OR6C2: variants seen among roughly 807,000 people sequenced by gnomAD.
OR6C2 encodes the protein olfactory receptor family 6 subfamily C member 2, also known as olfactory receptor 6C2.
For synonymous variants in OR6C2, 146 were observed against 134.2 expected (o/e 1.09, Z -0.61); for missense variants, 435 against 365.8 (o/e 1.19, Z -1.54).
rs1871520587 is a variant in OR6C2 at position 55,452,997 on chromosome 12, G to A, written c.784G>A (p.Ala262Thr). 1 of 1,613,572 alleles carries A rather than the reference G, an allele frequency of 6.2e-7. No homozygotes were observed. The highest frequency in any genetic ancestry group is 1.7e-5 in the Admixed American group (1 of 59,926). ...CATCTTCATCTATATCAAGCCCTCTGCAAAAGATGAGGTGGCCATAAATAA... is the reference window on the plus strand; with the variant it reads ...CATCTTCATCTATATCAAGCCCTCTACAAAAGATGAGGTGGCCATAAATAA... ...SCIFIYIKPS[A>T]KDEVAINKGV... Residue 262 changes from alanine (A) to threonine (T), a missense_variant, in exon 2 of 2, where the codon GCA becomes ACA. By Grantham distance (58) the Ala-to-Thr change is moderately conservative. Transcript: ENST00000641202.
chr12:55,452,939 CAT>C lies in OR6C2; in HGVS notation c.727_728del (p.Met243AspfsTer22). On this transcript the variant is annotated frameshift_variant, in exon 2 of 2. Coordinates refer to ENST00000641202, the MANE Select transcript of OR6C2 (RefSeq NM_054105.2). LOFTEE classifies it low-confidence loss of function (END_TRUNC). ...AGGCCTTTTCTACCTGTTCATCCCA[CAT>C]GATTGTGGTTTCCATTGCCTATGGA... ...KKAFSTCSSHMIVVSIAYGSC... is the reference protein window; with the variant it reads ...KKAFSTCSSHXIVVSIAYGSC... 1.2e-6 allele frequency: 2 copies of C among 1,613,768 alleles called. No individual in the cohort carries two copies. The highest frequency in any genetic ancestry group is 1.7e-6 in the Non-Finnish European group (2 of 1,179,758).
Position 55,451,642 on chromosome 12 carries a change from T to C in OR6C2, c.-572T>C, listed in dbSNP as rs1319916802. The C allele has an allele frequency of 6.6e-6, 1 of 151,870 alleles. No individual in the cohort carries two copies. Among genetic ancestry groups the C allele is most frequent in the East Asian group, 1.9e-4 (1 of 5,178 alleles). 9.4% of individuals were successfully genotyped at this position (151,870 alleles called of 1,614,324 possible). A position where few individuals can be genotyped will look rare whatever the true frequency, so the allele number is the denominator to read the frequency against. On this transcript the variant is annotated 5_prime_UTR_variant, in exon 2 of 2. Transcript: ENST00000641202. ...CAACCCATCTACAGGTACTAGAGGGTTGAGAATAAGGAATGCCAGCAGAGA... is the reference window on the plus strand; with the variant it reads ...CAACCCATCTACAGGTACTAGAGGGCTGAGAATAAGGAATGCCAGCAGAGA...
intron 1 of OR6C2, among the ~76,000 whole-genome samples, chr12:55,445,677 C>A (rs570624247): frequency 1.3e-5 from 2 of 152,128 alleles, no homozygotes; most frequent in South Asian, 4.2e-4. Flanking sequence ...AAAATAAGAC[C>A]CATAATGCAA....
rs1214485201 is a variant in OR6C2 at position 55,453,059 on chromosome 12, G to A, written c.846G>A (p.Leu282=). ...VSVLTTSVAP[L]LNPFIYTLRN... is the part of the protein sequence containing the mutation. ...TTCTTACTACTTCTGTCGCACCCTT[G>A]TTGAACCCCTTCATTTACACCTTGA... The change falls in exon 2 of 2, where the codon TTG becomes TTA. Residue 282 remains leucine, a synonymous_variant. Transcript: ENST00000641202. 6.2e-7 allele frequency: 1 copy of A among 1,613,418 alleles called. No individual in the cohort carries two copies. The highest frequency in any genetic ancestry group is 1.3e-5 in the African/African-American group (1 of 74,968).
chr12:55,453,027 G>C lies in OR6C2; in HGVS notation c.814G>C (p.Val272Leu), dbSNP rs1362629476. The change falls in exon 2 of 2, where the codon GTT (valine) becomes CTT (leucine). Residue 272 changes from valine to leucine, a missense_variant. Transcript: ENST00000641202. ...AGATGAGGTGGCCATAAATAAAGGA[G>C]TTTCAGTTCTTACTACTTCTGTCGC... Reference protein sequence around the residue: ...AKDEVAINKGVSVLTTSVAPL... With the variant: ...AKDEVAINKGLSVLTTSVAPL... 1 of 1,613,372 alleles carries C rather than the reference G, an allele frequency of 6.2e-7. No homozygotes were observed. The highest frequency in any genetic ancestry group is 2.2e-5 in the East Asian group (1 of 44,870).
chr12:55,446,425 C>T lies in OR6C2; in HGVS notation c.-888+2266C>T, dbSNP rs561321137. Among the ~76,000 whole-genome samples the T allele has an allele frequency of 4.3e-4, 65 of 152,224 alleles. No homozygotes were observed. The Middle Eastern group carries it at 0.01, about 24-fold the overall frequency. ...GATTACAGTCATGAGCCACCGCGCC[C>T]GGCCAGTGGTAATTTTAGTGTAAAT... On this transcript the variant is annotated intron_variant, in intron 1 of 1. Coordinates refer to ENST00000641202, the MANE Select transcript of OR6C2 (RefSeq NM_054105.2).
rs1489058308 is a variant in OR6C2, at chr12:55,452,790, A to G, written c.577A>G (p.Ile193Val). The G allele has an allele frequency of 6.2e-7, 1 of 1,613,792 alleles. No homozygotes were observed. Among genetic ancestry groups the G allele is most frequent in the Non-Finnish European group, 8.5e-7 (1 of 1,179,770 alleles). Residue 193 changes from isoleucine (I) to valine (V), a missense_variant, in exon 2 of 2, where the codon ATA (isoleucine) becomes GTA (valine). Coordinates refer to ENST00000641202, the MANE Select transcript of OR6C2 (RefSeq NM_054105.2). ...GATCTCATGCTCAGATACATGGGTA[A>G]TAGAACAGATGGTTATACTTATGGC... ...LKISCSDTWV[I>V]EQMVILMAVF...
Position 55,452,998 on chromosome 12 carries a change from C to A in OR6C2, c.785C>A (p.Ala262Glu). ...ATCTTCATCTATATCAAGCCCTCTG[C>A]AAAAGATGAGGTGGCCATAAATAAA... ...SCIFIYIKPSAKDEVAINKGV... is the reference protein window; with the variant it reads ...SCIFIYIKPSEKDEVAINKGV... Residue 262 changes from alanine (A) to glutamate (E), a missense_variant, in exon 2 of 2, where the codon GCA becomes GAA. Transcript: ENST00000641202. 1 of 1,613,652 alleles carries A rather than the reference C, an allele frequency of 6.2e-7. No homozygotes were observed. The highest frequency in any genetic ancestry group is 8.5e-7 in the Non-Finnish European group (1 of 1,179,706).
At chr12:55,447,339 ATAAACACT>A (rs1414464884) in intron 1 of OR6C2, among the ~76,000 whole-genome samples, 3 of 148,378 alleles carry the variant, frequency 2.0e-5, no homozygotes, top group African/African-American at 7.4e-5. Context: ...TTTTTTTTAC[ATAAACACT>A]TAACATGATA....
At chr12:55,450,965 C>G (rs1871456981) in intron 1 of OR6C2, among the ~76,000 whole-genome samples, 1 of 151,852 alleles carries the variant, frequency 6.6e-6, no homozygotes, top group African/African-American at 2.4e-5. Flanking sequence ...AGTGAGGACA[C>G]AGAGGGTTAA....
At chr12:55,449,758 G>T (rs1871432327) in intron 1 of OR6C2, among the ~76,000 whole-genome samples, 1 of 151,724 alleles carries the variant, frequency 6.6e-6, no homozygotes, top group Non-Finnish European at 1.5e-5. Context: ...GAAGGAAAAG[G>T]TCAGGAAAGA....
In OR6C2 at chr12:55,453,288, T is replaced by G; in HGVS notation, c.*136T>G. ...CTCAATGACATTTAATATTGCATCC[T>G]AATCCCATCTTTATCAAAATCCTTA... On this transcript the variant is annotated 3_prime_UTR_variant, in exon 2 of 2. Transcript: ENST00000641202. 1 of 610,964 alleles carries G rather than the reference T, an allele frequency of 1.6e-6. No individual in the cohort carries two copies. 37.8% of individuals were successfully genotyped at this position (610,964 alleles called of 1,614,324 possible).
rs773479306 is a variant in OR6C2, at chr12:55,452,303, T to A, written c.90T>A (p.Phe30Leu). The A allele has an allele frequency of 3.1e-6, 5 of 1,613,394 alleles. No individual in the cohort carries two copies. In the East Asian group the frequency reaches 1.1e-4, roughly 36 times the overall value. Reference protein sequence around the residue: ...HLQVLLFIFLFLTYMLSVTGN... With the variant: ...HLQVLLFIFLLLTYMLSVTGN... ...AAGTTCTGCTTTTTATCTTTCTATT[T>A]CTCACCTACATGTTGAGTGTAACAG... Residue 30 changes from phenylalanine (F) to leucine (L), a missense_variant, in exon 2 of 2, where the codon TTT becomes TTA. Coordinates refer to ENST00000641202, the MANE Select transcript of OR6C2 (RefSeq NM_054105.2).
intron 1 of OR6C2, among the ~76,000 whole-genome samples, chr12:55,446,421 C>T (rs1226143639): frequency 6.6e-6 from 1 of 152,098 alleles, no homozygotes; most frequent in Admixed American, 6.6e-5. Context: ...TGAGCCACCG[C>T]GCCCGGCCAG....
intron 1 of OR6C2, among the ~76,000 whole-genome samples, chr12:55,448,655 A>AAAAG (rs926368289): frequency 6.8e-6 from 1 of 147,326 alleles, no homozygotes; most frequent in African/African-American, 2.5e-5. Context: ...AAAAAAAAAA[A>AAAAG]AAAAGAAAGA....
chr12:55,450,797 GA>G (rs1871453935), intron 1 of OR6C2, among the ~76,000 whole-genome samples: 1 of 151,950 alleles, frequency 6.6e-6, no homozygotes. Flanking sequence ...GACAGATATA[GA>G]AAGAATATCA....
At position 55,452,253 on chromosome 12, in the gene OR6C2, G is replaced by A. The variant is rs1871489055; in HGVS notation, c.40G>A (p.Gly14Arg). 1.2e-6 allele frequency: 2 copies of A among 1,608,656 alleles called. No individual in the cohort carries two copies. Among genetic ancestry groups the A allele is most frequent in the Admixed American group, 1.7e-5 (1 of 59,492 alleles). Residue 14 changes from glycine (G) to arginine (R), a missense_variant, in exon 2 of 2, where the codon GGA becomes AGA. By Grantham distance (125) the Gly-to-Arg change is moderately radical. Transcript: ENST00000641202. ...AGTAATAAGAACTTTTATCCTGCTG[G>A]GACTGACAGGTGACCCACACCTGCA... The part of the protein sequence containing the change: ...HTVIRTFILL[G>R]LTGDPHLQVL...
rs780289788 is a variant in OR6C2 at position 55,453,024 on chromosome 12, G to C, written c.811G>C (p.Gly271Arg). The part of the protein sequence containing the change: ...SAKDEVAINK[G>R]VSVLTTSVAP... Reference sequence around the variant, plus strand: ...AAAAGATGAGGTGGCCATAAATAAAGGAGTTTCAGTTCTTACTACTTCTGT... The same window carrying C: ...AAAAGATGAGGTGGCCATAAATAAACGAGTTTCAGTTCTTACTACTTCTGT... Residue 271 changes from glycine (G) to arginine (R), a missense_variant, in exon 2 of 2, where the codon GGA (glycine) becomes CGA (arginine). Physicochemically the swap from Gly to Arg is moderately radical, Grantham distance 125 (BLOSUM62 -2). Transcript: ENST00000641202. The C allele has an allele frequency of 6.2e-7, 1 of 1,613,554 alleles. No homozygotes were observed.
chr12:55,452,379 C>G lies in OR6C2; in HGVS notation c.166C>G (p.Pro56Ala), dbSNP rs779188549. The G allele has an allele frequency of 6.2e-7, 1 of 1,613,584 alleles. No homozygotes were observed. The highest frequency in any genetic ancestry group is 1.3e-5 in the African/African-American group (1 of 74,914). ...ATTGGTGGACCACCACCTTAAAACT[C>G]CTATGTACTTCTTTCTCAGAAATTT... ...LTLVDHHLKT[P>A]MYFFLRNFSF... Residue 56 changes from proline (P) to alanine (A), a missense_variant, in exon 2 of 2, where the codon CCT (proline) becomes GCT (alanine). By Grantham distance (27) the Pro-to-Ala change is conservative. Transcript: ENST00000641202.
Sources: allele counts gnomAD v4.1 joint callset (sites outside exome capture counted in the v4.1 genomes callset), GRCh38; gene constraint gnomAD v4.1.1; transcripts MANE v1.5; gene names NCBI Gene and HGNC (gene_info 2026-07-23, HGNC 2026-07-21).